Variants in C13orf42 observed in about 807,000 individuals in gnomAD.
C13orf42 encodes the protein chromosome 13 open reading frame 42, also known as uncharacterized protein C13orf42.
chr13:51,087,826 C>G (rs1037120072), intron 2 of C13orf42, 102 bp downstream of exon 2: 3 of 396,872 alleles, frequency 7.6e-6, no homozygotes, highest in African/African-American at 6.2e-5. Flanking sequence ...TTCCTGATGG[C>G]CTATTCTATA....
chr13:51,101,555 TC>T, intron 1 of C13orf42, among the ~76,000 whole-genome samples: 1 of 152,336 alleles, frequency 6.6e-6, no homozygotes, highest in Non-Finnish European at 1.5e-5. Context: ...CTATGACTTT[TC>T]CAGATCTTCC....
chr13:51,162,513 CTG>C (rs1953874039), intron 1 of C13orf42, among the ~76,000 whole-genome samples: 1 of 152,146 alleles, frequency 6.6e-6, no homozygotes, highest in Admixed American at 6.5e-5. Flanking sequence ...TCAGAGAAAC[CTG>C]TGAGTGTTTT....
chr13:51,166,349 A>C (rs1308469488), intron 1 of C13orf42, among the ~76,000 whole-genome samples: 1 of 150,462 alleles, frequency 6.6e-6, no homozygotes, highest in Non-Finnish European at 1.5e-5. Flanking sequence ...AGAACAAAAA[A>C]ACCAAACACC....
Position 51,138,085 on chromosome 13 carries a change from T to C in C13orf42, n.137-24863A>G, listed in dbSNP as rs1278033143. Among the ~76,000 whole-genome samples, 3 of 152,192 alleles carry C rather than the reference T, an allele frequency of 2.0e-5. No individual in the cohort carries two copies. The East Asian group carries it at 5.8e-4, about 29-fold the overall frequency. ...TTTCCATGCTACTTTCTGTCCCCCA[T>C]TCTTCTAGAATGTCCATGAGCTGAG... On this transcript the variant is annotated intron_variant and non_coding_transcript_variant, in intron 1 of 4. Coordinates refer to the C13orf42 transcript ENST00000433280.
chr13:51,138,442 C>T lies in C13orf42; in HGVS notation n.137-25220G>A, dbSNP rs559724764. On this transcript the variant is annotated intron_variant and non_coding_transcript_variant, in intron 1 of 4. Transcript: ENST00000433280. ...TGGATAGACATTAGTCAAAAGAAGA[C>T]ATGCATATGACCAATGGGTATCTGA... is the stretch of plus-strand genomic sequence containing the variant. Among the ~76,000 whole-genome samples, 6 of 151,964 alleles carry T rather than the reference C, an allele frequency of 3.9e-5. No homozygotes were observed. In the South Asian group the frequency reaches 8.3e-4, roughly 21 times the overall value.
Position 51,082,954 on chromosome 13 carries a change from T to G in C13orf42, c.*1197A>C, listed in dbSNP as rs1953079459. The G allele has an allele frequency of 6.6e-6, 1 of 152,202 alleles. No homozygotes were observed. The allele number at this position is 152,202 out of a possible 1,614,324, so 9.4% of individuals were successfully genotyped here. A position where few individuals can be genotyped will look rare whatever the true frequency, so the allele number is the denominator to read the frequency against. ...CCTAAAAAATGGAACAATAAGAATA[T>G]CATCCCACAGGCATGGCAGAAAGGA... On this transcript the variant is annotated 3_prime_UTR_variant, in exon 4 of 4. Coordinates refer to ENST00000563710, the MANE Select transcript of C13orf42 (RefSeq NM_001351589.3).
chr13:51,166,300 G>T (rs1280785399), intron 1 of C13orf42, among the ~76,000 whole-genome samples: 1 of 151,594 alleles, frequency 6.6e-6, no homozygotes, highest in Non-Finnish European at 1.5e-5. Context: ...TAGGGACATG[G>T]ATGAAATTGG....
intron 1 of C13orf42, among the ~76,000 whole-genome samples, chr13:51,139,646 G>A (rs915033609): frequency 1.3e-5 from 2 of 152,098 alleles, no homozygotes; most frequent in Non-Finnish European, 2.9e-5. Flanking sequence ...CCAAGATGGC[G>A]ACGAGAATGA....
chr13:51,150,657 G>A (rs530462581), intron 1 of C13orf42, among the ~76,000 whole-genome samples: 1 of 152,268 alleles, frequency 6.6e-6, no homozygotes, highest in Admixed American at 6.5e-5. Context: ...AAATGCAGTG[G>A]ACTAATCCAG....
intron 1 of C13orf42, among the ~76,000 whole-genome samples, chr13:51,150,750 T>C (rs1402598983): frequency 2.6e-5 from 4 of 152,204 alleles, no homozygotes; most frequent in Admixed American, 2.6e-4. Flanking sequence ...ACTGGGGCTA[T>C]GTTGTTCCAT....
At chr13:51,137,370 C>G (rs1394976739) in intron 1 of C13orf42, among the ~76,000 whole-genome samples, 2 of 152,216 alleles carry the variant, frequency 1.3e-5, no homozygotes, top group African/African-American at 4.8e-5. Context: ...AAGTCACAGT[C>G]TGCATCTGTC....
chr13:51,163,384 C>G (rs1953881225), intron 1 of C13orf42, among the ~76,000 whole-genome samples: 1 of 152,102 alleles, frequency 6.6e-6, no homozygotes, highest in Non-Finnish European at 1.5e-5. Context: ...TGCCAGACCC[C>G]TACTGACTCC....
At chr13:51,121,891 C>G (rs1028793315) in intron 1 of C13orf42, among the ~76,000 whole-genome samples, 1 of 152,068 alleles carries the variant, frequency 6.6e-6, no homozygotes, top group Admixed American at 6.6e-5. Context: ...TATAATGGAA[C>G]ACAGCAGTTA....
chr13:51,105,393 A>T (rs1467624325), intron 1 of C13orf42, among the ~76,000 whole-genome samples: 2 of 152,236 alleles, frequency 1.3e-5, no homozygotes, highest in Non-Finnish European at 2.9e-5. Context: ...GACACATAGT[A>T]TGTGCTCAAT....
chr13:51,166,937 T>C (rs775395199), intron 1 of C13orf42, among the ~76,000 whole-genome samples: 1 of 151,772 alleles, frequency 6.6e-6, no homozygotes, highest in Non-Finnish European at 1.5e-5. Context: ...AAATTAGCTA[T>C]GTGTGGTGGT....
chr13:51,137,938 G>A (rs1442076845), intron 1 of C13orf42, among the ~76,000 whole-genome samples: 1 of 152,188 alleles, frequency 6.6e-6, no homozygotes, highest in Non-Finnish European at 1.5e-5. Flanking sequence ...CTTTATTTCA[G>A]ATTACTGTCT....
At chr13:51,138,644 C>G (rs1953674912) in intron 1 of C13orf42, among the ~76,000 whole-genome samples, 1 of 152,072 alleles carries the variant, frequency 6.6e-6, no homozygotes, top group Non-Finnish European at 1.5e-5. Flanking sequence ...GATGGAAATG[C>G]AAAATGGTAT....
chr13:51,157,315 TC>T (rs545636170), intron 1 of C13orf42, among the ~76,000 whole-genome samples: 44 of 152,230 alleles, frequency 2.9e-4, no homozygotes, highest in Admixed American at 2.2e-3. Context: ...GCACGTGTAG[TC>T]CCAGCTACTC....
At chr13:51,101,139 A>G (rs1244851948) in intron 1 of C13orf42, among the ~76,000 whole-genome samples, 1 of 152,244 alleles carries the variant, frequency 6.6e-6, no homozygotes, top group Non-Finnish European at 1.5e-5. Context: ...TCATATAAAT[A>G]CATGCCAAAT....
Sources: allele counts gnomAD v4.1 joint callset (sites outside exome capture counted in the v4.1 genomes callset), GRCh38; gene constraint gnomAD v4.1.1; transcripts MANE v1.5; gene names NCBI Gene and HGNC (gene_info 2026-07-23, HGNC 2026-07-21).